NTNG1: variants seen among roughly 807,000 people sequenced by gnomAD.
NTNG1 encodes netrin-G1.
Under a neutral mutation model 54.0 loss-of-function variants are expected in NTNG1, and 16 were observed. The ratio of observed to expected loss-of-function variants is 0.30; its 90% CI spans 0.20 to 0.45. The LOEUF (loss-of-function observed/expected upper bound fraction) is 0.45. NTNG1 is among the 20% of genes least tolerant of loss of function. The probability of loss-of-function intolerance (pLI) is 1.00; values close to 1 mark genes in which losing one functional copy is unlikely to be tolerated. For synonymous variants in NTNG1, 255 were observed against 263.1 expected, an observed-to-expected ratio of 0.97 and a Z score of 0.30; for missense variants, 530 against 678.7, an observed-to-expected ratio of 0.78 and a Z score of 2.43.
intron 2 of NTNG1, among the ~76,000 whole-genome samples, chr1:107,194,588 G>A (rs1658190601): frequency 6.6e-6 from 1 of 151,974 alleles, no homozygotes; most frequent in African/African-American, 2.4e-5. Context: ...AAAAGAAAAT[G>A]CAAAATGTTT....
intron 6 of NTNG1, 93 bp downstream of exon 6, chr1:107,431,010 T>G: frequency 3.6e-6 from 4 of 1,116,346 alleles, no homozygotes; most frequent in Non-Finnish European, 5.1e-6. Flanking sequence ...GCACCGCGGT[T>G]GAGCCAGAAT....
intron 3 of NTNG1, among the ~76,000 whole-genome samples, chr1:107,367,829 T>C (rs937684149): frequency 6.6e-6 from 1 of 152,106 alleles, no homozygotes; most frequent in Admixed American, 6.5e-5. Context: ...TGGTGCGATC[T>C]CAGCTCACTG....
chr1:107,187,242 T>G (rs1209801644), intron 2 of NTNG1, among the ~76,000 whole-genome samples: 1 of 152,162 alleles, frequency 6.6e-6, no homozygotes, highest in Non-Finnish European at 1.5e-5. Flanking sequence ...TTTATTGTTA[T>G]TTTTCATTGT....
chr1:107,206,171 T>C (rs990069788), intron 2 of NTNG1, among the ~76,000 whole-genome samples: 2 of 152,110 alleles, frequency 1.3e-5, no homozygotes, highest in South Asian at 4.1e-4. Context: ...TCAGCTTTCG[T>C]GGACACTGAA....
chr1:107,323,244 C>T (rs960845957), intron 2 of NTNG1, among the ~76,000 whole-genome samples: 3 of 152,052 alleles, frequency 2.0e-5, no homozygotes, highest in African/African-American at 7.2e-5. Flanking sequence ...CCTGAATAGT[C>T]AAGTCCTAAT....
intron 2 of NTNG1, among the ~76,000 whole-genome samples, chr1:107,187,347 CT>C (rs1657541244): frequency 1.3e-5 from 2 of 152,052 alleles, no homozygotes; most frequent in African/African-American, 4.8e-5. Flanking sequence ...TAACAGCTAG[CT>C]TTGGGTATAA....
chr1:107,234,768 T>G (rs1661298368), intron 2 of NTNG1, among the ~76,000 whole-genome samples: 1 of 152,152 alleles, frequency 6.6e-6, no homozygotes, highest in Non-Finnish European at 1.5e-5. Flanking sequence ...AATCTTTTAT[T>G]AGATAAAAGC....
At chr1:107,272,868 C>T in intron 2 of NTNG1, among the ~76,000 whole-genome samples, 1 of 152,184 alleles carries the variant, frequency 6.6e-6, no homozygotes, top group East Asian at 1.9e-4. Flanking sequence ...AATGCTTAAG[C>T]AGCTTAAAGC....
At chr1:107,446,015 A>G (rs905984468) in intron 7 of NTNG1, among the ~76,000 whole-genome samples, 6 of 152,160 alleles carry the variant, frequency 3.9e-5, no homozygotes, top group African/African-American at 1.4e-4. Flanking sequence ...GATTTATTCC[A>G]AACTCAAACA....
At position 107,394,706 on chromosome 1, in the gene NTNG1, T is replaced by G. The variant is rs574840146; in HGVS notation, c.888-448T>G. Among the ~76,000 whole-genome samples the G allele has an allele frequency of 6.0e-4, 91 of 152,326 alleles. 1 individual carries two copies. Among genetic ancestry groups the G allele is most frequent in the Non-Finnish European group, 9.4e-4 (64 of 68,016 alleles). On this transcript the variant is annotated intron_variant, in intron 3 of 7. Transcript: ENST00000370068. ...ATTATTTTAATGGTTATCTTCCTTTTTAAACAAATAAGAATTGTCTTAACG... is the reference window on the plus strand; with the variant it reads ...ATTATTTTAATGGTTATCTTCCTTTGTAAACAAATAAGAATTGTCTTAACG...
chr1:107,360,714 A>G (rs1332622331), intron 3 of NTNG1, among the ~76,000 whole-genome samples: 1 of 152,248 alleles, frequency 6.6e-6, no homozygotes, highest in East Asian at 1.9e-4. Flanking sequence ...TCAATATATT[A>G]GAAAGCATTT....
intron 7 of NTNG1, among the ~76,000 whole-genome samples, chr1:107,465,241 A>G (rs113426902): frequency 6.6e-6 from 1 of 152,178 alleles, no homozygotes; most frequent in African/African-American, 2.4e-5. Context: ...AGGTGCCAGA[A>G]AAAAAATGGA....
At chr1:107,471,311 G>A (rs1283061210) in intron 7 of NTNG1, among the ~76,000 whole-genome samples, 6 of 152,120 alleles carry the variant, frequency 3.9e-5, no homozygotes, top group Non-Finnish European at 2.9e-5. Flanking sequence ...ACAGAGTCTC[G>A]CCACCGAAGT....
intron 3 of NTNG1, among the ~76,000 whole-genome samples, chr1:107,374,647 A>G (rs1671120680): frequency 6.6e-6 from 1 of 152,152 alleles, no homozygotes; most frequent in South Asian, 2.1e-4. Flanking sequence ...ATAATTGTAT[A>G]TAACTGTTTT....
intron 1 of NTNG1, chr1:107,143,122 A>C (rs192447931): frequency 6.6e-6 from 1 of 152,256 alleles, no homozygotes; most frequent in African/African-American, 2.4e-5. Flanking sequence ...ACTGAAGACC[A>C]CCATGAAGGC....
chr1:107,386,339 TTTTTTTGTA>T (rs1039107516), intron 3 of NTNG1, among the ~76,000 whole-genome samples: 1 of 151,218 alleles, frequency 6.6e-6, no homozygotes, highest in African/African-American at 2.4e-5. Context: ...CCAGCTAACT[TTTTTTTGTA>T]TTTTTAGTAG....
At position 107,148,560 on chromosome 1, in the gene NTNG1, T is replaced by G; in HGVS notation, c.-34T>G. The G allele has an allele frequency of 6.2e-7, 1 of 1,607,540 alleles. No individual in the cohort carries two copies. The highest frequency in any genetic ancestry group is 8.5e-7 in the Non-Finnish European group (1 of 1,174,988). On this transcript the variant is annotated 5_prime_UTR_variant, in exon 2 of 8. Transcript: ENST00000370068. ...TCGCAGATCATAAAGCAAGCTCTGC[T>G]TTAGTTTCCAAGAAGATTACAAAGA...
chr1:107,410,774 A>T lies in NTNG1; in HGVS notation c.1087+3066A>T, dbSNP rs140532685. ...GTGTTTTTGTTCAAGTGATAAACTGATCATTACCTTCTAATATATATCATA... is the reference window on the plus strand; with the variant it reads ...GTGTTTTTGTTCAAGTGATAAACTGTTCATTACCTTCTAATATATATCATA... On this transcript the variant is annotated intron_variant, in intron 5 of 7. Coordinates refer to ENST00000370068, the MANE Select transcript of NTNG1 (RefSeq NM_001113226.3). Among the ~76,000 whole-genome samples, 300 of 152,282 alleles carry T rather than the reference A, an allele frequency of 2.0e-3. 1 individual carries two copies. Among genetic ancestry groups the T allele is most frequent in the African/African-American group, 6.6e-3 (273 of 41,572 alleles).
chr1:107,363,065 G>A (rs1386217201), intron 3 of NTNG1, among the ~76,000 whole-genome samples: 1 of 152,156 alleles, frequency 6.6e-6, no homozygotes, highest in Admixed American at 6.5e-5. Flanking sequence ...GATGGTCAGG[G>A]TTTCATATTG....
Sources: gnomAD v4.1 joint callset for allele counts (sites outside exome capture counted in the v4.1 genomes callset) on GRCh38, gnomAD v4.1.1 for gene constraint, MANE v1.5 for transcripts, NCBI Gene and HGNC (gene_info 2026-07-23, HGNC 2026-07-21) for gene names.